Variants in SLC26A1 observed in about 807,000 individuals in gnomAD.
SLC26A1 encodes the protein sulfate anion transporter 1.
A neutral mutation model predicts 14.5 loss-of-function variants in SLC26A1; 18 were observed. The observed-to-expected ratio is 1.24, with a 90% CI of 0.86 to 1.84. The LOEUF (loss-of-function observed/expected upper bound fraction) is 1.84, where lower values mean the gene tolerates loss of function less well. Among genes scored for constraint, SLC26A1 ranks in the 40% most tolerant of loss-of-function variants. The pLI is 0.00. For missense variants in SLC26A1, 1,049 were observed against 1,020.0 expected, an observed-to-expected ratio of 1.03 and a Z score of -0.39; for synonymous variants, 505 against 492.0, an observed-to-expected ratio of 1.03 and a Z score of -0.35.
rs770726725 is a variant in SLC26A1 at position 991,164 on chromosome 4, G to A, written c.540C>T (p.Val180=). 35 of 1,562,812 alleles carry A rather than the reference G, an allele frequency of 2.2e-5. No individual in the cohort carries two copies. The Admixed American group carries it at 4.7e-4, about 21-fold the overall frequency. ...CGGTCATCAGCGTGAGGGCGGTGGC[G>A]ACACGGATGGCGTAGCAGTCACGCC... is the stretch of plus-strand genomic sequence containing the variant. The part of the protein sequence containing the change: ...DCGRDCYAIR[V]ATALTLMTGL... Residue 180 remains valine, a synonymous_variant, in exon 2 of 3, where the codon GTC becomes GTT. Coordinates refer to ENST00000398516, the MANE Select transcript of SLC26A1 (RefSeq NM_022042.4).
At position 991,261 on chromosome 4, in the gene SLC26A1, G is replaced by A. The variant is rs142565869; in HGVS notation, c.443C>T (p.Pro148Leu). 116 of 1,612,438 alleles carry A rather than the reference G, an allele frequency of 7.2e-5. No homozygotes were observed. The Admixed American group carries it at 8.3e-4, about 12-fold the overall frequency. ...TCCGGGCTGCAGGCCGTCCTGGGAG[G>A]GGTCAAAGCCGGCCAGCTGGAGCTC... ...DRELQLAGFD[P>L]SQDGLQPGAN... The change falls in exon 2 of 3, where the codon CCC becomes CTC. Residue 148 changes from proline to leucine, a missense_variant. Transcript: ENST00000398516.
rs373044300 is a variant in SLC26A1, at chr4:988,208, A to G, written c.*625T>C. ...CTGCGCCGCACCTGGCTCCTGGTGC[A>G]CCCGTGAGCATCCCTGTGTGTGTCT... On this transcript the variant is annotated 3_prime_UTR_variant, in exon 3 of 3. Coordinates refer to ENST00000398516, the MANE Select transcript of SLC26A1 (RefSeq NM_022042.4). 2.2e-6 allele frequency: 3 copies of G among 1,343,452 alleles called. No homozygotes were observed. The East Asian group carries it at 8.9e-5, about 40-fold the overall frequency. The allele number at this position is 1,343,452 out of a possible 1,614,324, so 83.2% of individuals were successfully genotyped here.
chr4:988,667 G>A lies in SLC26A1; in HGVS notation c.*166C>T, dbSNP rs1308754101. 7.1e-7 allele frequency: 1 copy of A among 1,414,558 alleles called. No homozygotes were observed. The highest frequency in any genetic ancestry group is 1.4e-5 in the African/African-American group (1 of 69,154). The allele number at this position is 1,414,558 out of a possible 1,614,324, so 87.6% of individuals were successfully genotyped here. A position where few individuals can be genotyped will look rare whatever the true frequency, so the allele number is the denominator to read the frequency against. ...TGTTTGGGTCCTGCGTGTGATCAGA[G>A]GGCCTCCTTTCCCAGTTGGGGTTCC... On this transcript the variant is annotated 3_prime_UTR_variant, in exon 3 of 3. Transcript: ENST00000398516.
chr4:988,956 G>A lies in SLC26A1; in HGVS notation c.1983C>T (p.Gly661=), dbSNP rs772722543. The stretch of plus-strand genomic sequence containing the variant: ...TGTCCCCGGGGCCCTCCCCGAGGAA[G>A]CCTCCTCTGCTCAGAATGTCTCTCA... ...PPVRDILSRG[G]FLGEGPGDTA... Residue 661 remains glycine, a synonymous_variant, in exon 3 of 3, where the codon GGC becomes GGT. Transcript: ENST00000398516. 6.3e-7 allele frequency: 1 copy of A among 1,595,972 alleles called. No homozygotes were observed. Among genetic ancestry groups the A allele is most frequent in the East Asian group, 2.3e-5 (1 of 43,768 alleles).
In SLC26A1 at chr4:989,251, C is replaced by CCCGTG; in HGVS notation, c.1683_1687dup (p.Gly563AlafsTer62). 6.2e-7 allele frequency: 1 copy of CCCGTG among 1,612,680 alleles called. No homozygotes were observed. Among genetic ancestry groups the CCCGTG allele is most frequent in the South Asian group, 1.1e-5 (1 of 91,082 alleles). On this transcript the variant is annotated frameshift_variant, in exon 3 of 3. Transcript: ENST00000398516. LOFTEE classifies it low-confidence loss of function (END_TRUNC). ...GGCAGCCATGCACCCTGCGTCCAGC[C>CCCGTG]CCGTGAGGCTGTAGAGTGACTGCAG...
At chr4:987,228 G>C (rs1025057731), downstream of SLC26A1, 2 of 1,504,506 alleles carry the variant, frequency 1.3e-6, no homozygotes, top group South Asian at 1.2e-5. Context: ...GCTTCTGGAG[G>C]AGCACAGGCT....
intron 2 of SLC26A1, chr4:990,772 T>C (rs899524278): frequency 1.6e-5 from 6 of 381,528 alleles, no homozygotes; most frequent in Non-Finnish European, 2.8e-5. Flanking sequence ...GCAGGAGACC[T>C]TCGGGGGTGG....
downstream of SLC26A1, chr4:986,970 T>A (rs1218786420): frequency 1.3e-4 from 54 of 404,292 alleles, no homozygotes; most frequent in East Asian, 2.4e-4. Flanking sequence ...CATCGCCCCC[T>A]CACCAAGGCC....
rs1364390826 is a variant in SLC26A1, at chr4:988,374, G to T, written c.*459C>A. The T allele has an allele frequency of 1.1e-5, 12 of 1,067,542 alleles. No individual in the cohort carries two copies. The East Asian group carries it at 6.2e-4, about 55-fold the overall frequency. 66.1% of individuals were successfully genotyped at this position (1,067,542 alleles called of 1,614,324 possible). A position where few individuals can be genotyped will look rare whatever the true frequency, so the allele number is the denominator to read the frequency against. On this transcript the variant is annotated 3_prime_UTR_variant, in exon 3 of 3. Coordinates refer to ENST00000398516, the MANE Select transcript of SLC26A1 (RefSeq NM_022042.4). ...AGGTGTGAGGGGCACTTGGGTGTGT[G>T]GGGCCTTCTGGAAACACAGAGACCC... is the stretch of plus-strand genomic sequence containing the variant.
chr4:990,599 C>T, intron 2 of SLC26A1: 1 of 575,270 alleles, frequency 1.7e-6, no homozygotes, highest in East Asian at 2.9e-5. Flanking sequence ...ACACAGCTGG[C>T]CATAGACACG....
Position 989,746 on chromosome 4 carries a change from G to C in SLC26A1, c.1193C>G (p.Ala398Gly), listed in dbSNP as rs755078988. The C allele has an allele frequency of 7.7e-6, 12 of 1,557,230 alleles. No individual in the cohort carries two copies. Among genetic ancestry groups the C allele is most frequent in the Non-Finnish European group, 1.0e-5 (12 of 1,150,996 alleles). The change falls in exon 3 of 3, where the codon GCC becomes GGC. Residue 398 changes from alanine to glycine, a missense_variant. Transcript: ENST00000398516. Reference protein sequence around the residue: ...AFLHCFATSAALAKSLVKTAT... With the variant: ...AFLHCFATSAGLAKSLVKTAT... ...TGTCTTCACCAGGCTCTTGGCCAGGGCGGCGCTGGTGGCGAAGCAGTGGAG... is the reference window on the plus strand; with the variant it reads ...TGTCTTCACCAGGCTCTTGGCCAGGCCGGCGCTGGTGGCGAAGCAGTGGAG...
At position 988,640 on chromosome 4, in the gene SLC26A1, A is replaced by C; in HGVS notation, c.*193T>G. 7.3e-7 allele frequency: 1 copy of C among 1,378,356 alleles called. No homozygotes were observed. The highest frequency in any genetic ancestry group is 9.3e-7 in the Non-Finnish European group (1 of 1,071,900). The allele number at this position is 1,378,356 out of a possible 1,614,324, so 85.4% of individuals were successfully genotyped here. A position where few individuals can be genotyped will look rare whatever the true frequency, so the allele number is the denominator to read the frequency against. On this transcript the variant is annotated 3_prime_UTR_variant, in exon 3 of 3. Coordinates refer to ENST00000398516, the MANE Select transcript of SLC26A1 (RefSeq NM_022042.4). ...CGGAGGCAGAGGTTCTTGATTTCTGAGTGTTTGGGTCCTGCGTGTGATCAG... is the reference window on the plus strand; with the variant it reads ...CGGAGGCAGAGGTTCTTGATTTCTGCGTGTTTGGGTCCTGCGTGTGATCAG...
chr4:988,570 G>A lies in SLC26A1; in HGVS notation c.*263C>T. On this transcript the variant is annotated 3_prime_UTR_variant, in exon 3 of 3. Coordinates refer to ENST00000398516, the MANE Select transcript of SLC26A1 (RefSeq NM_022042.4). Reference sequence around the variant, plus strand: ...TCAGGCCCATCCCTCCTGAGCTGAGGGACGGTGCATTGGGGCCCAGCCAGC... The same window carrying A: ...TCAGGCCCATCCCTCCTGAGCTGAGAGACGGTGCATTGGGGCCCAGCCAGC... 1 of 1,327,394 alleles carries A rather than the reference G, an allele frequency of 7.5e-7. No homozygotes were observed. The highest frequency in any genetic ancestry group is 9.6e-7 in the Non-Finnish European group (1 of 1,041,230). The allele number at this position is 1,327,394 out of a possible 1,614,324, so 82.2% of individuals were successfully genotyped here. A position where few individuals can be genotyped will look rare whatever the true frequency, so the allele number is the denominator to read the frequency against.
chr4:979,500 G>C (rs1713474875), exon 3 of SLC26A1: 1 of 1,613,494 alleles, frequency 6.2e-7, no homozygotes, highest in African/African-American at 1.3e-5. Context: ...TCTACCCCAG[G>C]ACGTCTGGAA....
chr4:989,269 G>C lies in SLC26A1; in HGVS notation c.1670C>G (p.Ser557Ter), dbSNP rs769256336. ...YYANKDFFLQ[S>*]LYSLTGLDAG... ...GTCCAGCCCCGTGAGGCTGTAGAGTGACTGCAGGAAGAAGTCCTTGTTGGC... is the reference window on the plus strand; with the variant it reads ...GTCCAGCCCCGTGAGGCTGTAGAGTCACTGCAGGAAGAAGTCCTTGTTGGC... Residue 557 changes from serine (S) to a stop codon, truncating the protein, a stop_gained, in exon 3 of 3, where the codon TCA becomes TGA. Coordinates refer to ENST00000398516, the MANE Select transcript of SLC26A1 (RefSeq NM_022042.4). LOFTEE classifies it low-confidence loss of function (END_TRUNC). 1.2e-6 allele frequency: 2 copies of C among 1,612,594 alleles called. No individual in the cohort carries two copies. Among genetic ancestry groups the C allele is most frequent in the African/African-American group, 2.7e-5 (2 of 74,936 alleles).
rs1054132366 is a variant in SLC26A1 at position 989,448 on chromosome 4, C to T, written c.1491G>A (p.Ser497=). The T allele has an allele frequency of 1.5e-5, 23 of 1,553,704 alleles. No homozygotes were observed. The highest frequency in any genetic ancestry group is 9.5e-5 in the South Asian group (8 of 84,494). Residue 497 remains serine, a synonymous_variant, in exon 3 of 3, where the codon TCG becomes TCA. Transcript: ENST00000398516. ...EAGLLAGVIL[S]LLSLAGRTQR... is the part of the protein sequence containing the mutation. ...GGGTGCGGCCGGCCAGGCTGAGCAGCGAGAGGATGACGCCAGCCAGCAGCC... is the reference window on the plus strand; with the variant it reads ...GGGTGCGGCCGGCCAGGCTGAGCAGTGAGAGGATGACGCCAGCCAGCAGCC...
At chr4:987,179 T>A, downstream of SLC26A1, 1 of 1,469,946 alleles carries the variant, frequency 6.8e-7, no homozygotes, top group Non-Finnish European at 9.0e-7. Flanking sequence ...CCGCACCTGG[T>A]GCATGTGGAC....
chr4:990,500 A>C, intron 2 of SLC26A1, 138 bp from the exon 3 acceptor site: 1 of 823,384 alleles, frequency 1.2e-6, no homozygotes, highest in Non-Finnish European at 1.9e-6. Context: ...TGTGTTCCAA[A>C]CCAGACTCCT....
chr4:989,589 C>T lies in SLC26A1; in HGVS notation c.1350G>A (p.Leu450=). 2 of 1,599,900 alleles carry T rather than the reference C, an allele frequency of 1.3e-6. No individual in the cohort carries two copies. Among genetic ancestry groups the T allele is most frequent in the African/African-American group, 1.3e-5 (1 of 74,930 alleles). Residue 450 remains leucine (L), a synonymous_variant, in exon 3 of 3, where the codon CTG becomes CTA. Transcript: ENST00000398516. ...CCCACACCTTGCGCAGGGCCCCCCG[C>T]AGGCTGACCACGATGACGCAGGCCA... The part of the protein sequence containing the change: ...SVLACVIVVS[L]RGALRKVWDL...
Sources: gnomAD v4.1 joint callset for allele counts on GRCh38, gnomAD v4.1.1 for gene constraint, MANE v1.5 for transcripts, NCBI Gene and HGNC (gene_info 2026-07-23, HGNC 2026-07-21) for gene names.